ANXA6: variants seen among roughly 807,000 people sequenced by gnomAD.
The protein encoded by ANXA6 is annexin A6, also known as 67 kDa calelectrin.
Under a neutral mutation model 95.4 loss-of-function variants are expected in ANXA6, and 71 were observed. That is an observed-to-expected ratio of 0.74 (90% CI 0.61 to 0.91). The LOEUF (loss-of-function observed/expected upper bound fraction) is 0.91, where lower values mean the gene tolerates loss of function less well. Ranked by LOEUF, ANXA6 falls within the 40% of genes least tolerant of loss-of-function variation. ANXA6 has a pLI of 0.00. For synonymous variants in ANXA6, 289 were observed against 315.9 expected, an observed-to-expected ratio of 0.91 and a Z score of 0.90; for missense variants, 830 against 876.4, an observed-to-expected ratio of 0.95 and a Z score of 0.67.
intron 20 of ANXA6, among the ~76,000 whole-genome samples, chr5:151,116,021 G>A (rs1764988394): frequency 6.6e-6 from 1 of 152,210 alleles, no homozygotes; most frequent in Non-Finnish European, 1.5e-5. Flanking sequence ...AGTAAAAAGG[G>A]AGAACATAAA....
rs884520 is a variant in ANXA6, at chr5:151,105,226, C to T, written c.1839+19G>A. 0.063 allele frequency: 101,461 copies of T among 1,610,606 alleles called. 7,907 individuals carry two copies. The highest frequency in any genetic ancestry group is 0.31 in the African/African-American group (23,224 of 74,766). On this transcript the variant is annotated intron_variant, in intron 24 of 25. Coordinates refer to ENST00000354546, the MANE Select transcript of ANXA6 (RefSeq NM_001155.5). ...AAGTCAGTGCTTGAAGGGAAAGGAA[C>T]GCCAGCATGTTTTCTTACCTTCATG... is the stretch of plus-strand genomic sequence containing the variant.
intron 13 of ANXA6, 36 bp downstream of exon 13, chr5:151,128,145 C>T (rs1206377537): frequency 2.5e-6 from 4 of 1,591,320 alleles, no homozygotes; most frequent in Non-Finnish European, 3.4e-6. Context: ...CACCCCAAGG[C>T]CATGCCCTCC....
At chr5:151,129,288 G>T in intron 12 of ANXA6, 119 bp downstream of exon 12, 3 of 1,285,192 alleles carry the variant, frequency 2.3e-6, no homozygotes, top group Non-Finnish European at 3.2e-6. Flanking sequence ...GGAGCTCCTG[G>T]AATGTCCAAG....
chr5:151,110,936 G>A (rs1764831442), intron 20 of ANXA6, among the ~76,000 whole-genome samples: 1 of 152,182 alleles, frequency 6.6e-6, no homozygotes, highest in Non-Finnish European at 1.5e-5. Context: ...GGGGAACTCT[G>A]CCCTTCGCAC....
intron 13 of ANXA6, 62 bp from the exon 14 acceptor site, chr5:151,126,542 CA>C: frequency 1.0e-6 from 1 of 957,746 alleles, no homozygotes; most frequent in Non-Finnish European, 1.6e-6. Context: ...ACACTCACAC[CA>C]ACACACACAC....
chr5:151,122,672 A>G (rs1437742090), intron 16 of ANXA6, among the ~76,000 whole-genome samples: 1 of 152,220 alleles, frequency 6.6e-6, no homozygotes, highest in Non-Finnish European at 1.5e-5. Flanking sequence ...TCTTGGCCCC[A>G]TGCTGTGCCT....
At chr5:151,147,644 T>C (rs1766005070) in intron 2 of ANXA6, among the ~76,000 whole-genome samples, 3 of 152,246 alleles carry the variant, frequency 2.0e-5, no homozygotes, top group Admixed American at 6.5e-5. Flanking sequence ...CCTGGGCCTC[T>C]CTGTCAGATA....
chr5:151,147,284 A>C (rs556643465), intron 2 of ANXA6, among the ~76,000 whole-genome samples: 47 of 152,236 alleles, frequency 3.1e-4, no homozygotes, highest in Non-Finnish European at 6.5e-4. Flanking sequence ...AGAGCAGAGA[A>C]GTCAACAAGG....
intron 20 of ANXA6, among the ~76,000 whole-genome samples, chr5:151,114,130 G>C (rs763911391): frequency 6.6e-6 from 1 of 152,160 alleles, no homozygotes; most frequent in Non-Finnish European, 1.5e-5. Flanking sequence ...GGGCTGGGGG[G>C]TTAGTAGGAT....
In ANXA6 at chr5:151,108,796, G is replaced by A. The variant is rs138393194; in HGVS notation, c.1685-246C>T. 2.9e-3 allele frequency among the ~76,000 whole-genome samples: 445 copies of A among 152,354 alleles called. 5 individuals are homozygous for A. The South Asian group carries it at 0.03, about 10-fold the overall frequency. On this transcript the variant is annotated intron_variant, in intron 22 of 25. Coordinates refer to ENST00000354546, the MANE Select transcript of ANXA6 (RefSeq NM_001155.5). ...CGCCAGTCCCCGTGCCTGGCCAATG[G>A]TCTTAGAACCTCGGCCAAGTTCTGG... is the stretch of plus-strand genomic sequence containing the variant.
At chr5:151,122,778 C>CT in intron 16 of ANXA6, 139 bp downstream of exon 16, 1 of 709,138 alleles carries the variant, frequency 1.4e-6, no homozygotes, top group South Asian at 1.7e-5. Flanking sequence ...TGGAGACACT[C>CT]TGAGATCATA....
chr5:151,127,594 C>T (rs1325424163), intron 13 of ANXA6, among the ~76,000 whole-genome samples: 4 of 152,194 alleles, frequency 2.6e-5, no homozygotes, highest in South Asian at 2.1e-4. Context: ...TGGGTCTCAC[C>T]GTGTATCTCC....
intron 21 of ANXA6, 111 bp downstream of exon 21, chr5:151,110,516 A>C: frequency 8.2e-7 from 1 of 1,217,262 alleles, no homozygotes. Context: ...GGAGAGAGAG[A>C]AGCCGCACAG....
At position 151,134,478 on chromosome 5, in the gene ANXA6, G is replaced by A. The variant is rs565712785; in HGVS notation, c.495C>T (p.Thr165=). Residue 165 remains threonine, a synonymous_variant, in exon 8 of 26, where the codon ACC becomes ACT. Coordinates refer to ENST00000354546, the MANE Select transcript of ANXA6 (RefSeq NM_001155.5). ...QKMLVVLLQG[T]REEDDVVSED... is the part of the protein sequence containing the mutation. ...CGCTCACTACGTCATCCTCCTCCCT[G>A]GTTCCCTGGGCAGAAAGACAAAGAA... 3 of 1,613,856 alleles carry A rather than the reference G, an allele frequency of 1.9e-6. No homozygotes were observed. The highest frequency in any genetic ancestry group is 2.2e-5 in the East Asian group (1 of 44,898).
At chr5:151,122,525 G>A (rs536147398) in intron 16 of ANXA6, among the ~76,000 whole-genome samples, 2 of 152,316 alleles carry the variant, frequency 1.3e-5, no homozygotes, top group Admixed American at 6.5e-5. Context: ...CACTCAGGGG[G>A]AAATGCATCA....
At chr5:151,122,684 T>C (rs1461754468) in intron 16 of ANXA6, among the ~76,000 whole-genome samples, 1 of 152,232 alleles carries the variant, frequency 6.6e-6, no homozygotes, top group East Asian at 1.9e-4. Context: ...GCTGTGCCTC[T>C]GAGTCCACTG....
At chr5:151,132,709 C>A (rs572339647) in intron 9 of ANXA6, 138 bp from the exon 10 acceptor site, 2 of 684,452 alleles carry the variant, frequency 2.9e-6, no homozygotes, top group Non-Finnish European at 2.4e-6. Flanking sequence ...ATGATGGAGG[C>A]GACTGGGAGG....
At chr5:151,107,420 C>T (rs544038892) in intron 23 of ANXA6, among the ~76,000 whole-genome samples, 133 of 152,300 alleles carry the variant, frequency 8.7e-4, no homozygotes, top group Non-Finnish European at 1.6e-3. Flanking sequence ...GGATTCCATG[C>T]TTTTATTCGT....
intron 25 of ANXA6, 82 bp from the exon 26 acceptor site, chr5:151,101,589 GA>G: frequency 8.0e-7 from 1 of 1,250,770 alleles, no homozygotes; most frequent in Non-Finnish European, 1.1e-6. Context: ...CATCTGTCTG[GA>G]CATCTCCCTC....
Sources: gnomAD v4.1 joint callset for allele counts (sites outside exome capture counted in the v4.1 genomes callset) on GRCh38, gnomAD v4.1.1 for gene constraint, MANE v1.5 for transcripts, NCBI Gene and HGNC (gene_info 2026-07-23, HGNC 2026-07-21) for gene names.